KIF16B: variants seen among roughly 807,000 people sequenced by gnomAD.
The protein encoded by KIF16B is kinesin-like protein KIF16B.
In KIF16B, 98 loss-of-function variants were observed where a neutral mutation model predicts 156.3. The observed-to-expected ratio is 0.63, with a 90% CI of 0.53 to 0.74. The LOEUF (loss-of-function observed/expected upper bound fraction) is 0.74, where lower values mean the gene tolerates loss of function less well. Among genes scored for constraint, KIF16B ranks in the 30% least tolerant of loss-of-function variants. KIF16B has a pLI of 0.00. For synonymous variants in KIF16B, 564 were observed against 583.7 expected (o/e 0.97, Z 0.49); for missense variants, 1,421 against 1,606.5 (o/e 0.88, Z 1.97).
intron 5 of KIF16B, 46 bp from the exon 6 acceptor site, chr20:16,511,573 A>G: frequency 7.9e-7 from 1 of 1,264,232 alleles, no homozygotes; most frequent in Non-Finnish European, 1.1e-6. Flanking sequence ...GATTTCAGAC[A>G]TTAATATCAG....
intron 1 of KIF16B, among the ~76,000 whole-genome samples, chr20:16,532,676 A>G (rs1160684663): frequency 1.3e-5 from 2 of 151,832 alleles, no homozygotes; most frequent in Non-Finnish European, 3.0e-5. Flanking sequence ...CTTTTTTCTC[A>G]ATCAATCACT....
chr20:16,334,155 G>A (rs995369239), intron 24 of KIF16B, among the ~76,000 whole-genome samples: 6 of 152,200 alleles, frequency 3.9e-5, no homozygotes, highest in Admixed American at 1.3e-4. Flanking sequence ...GTGTGTGTGT[G>A]TATATAAAGT....
chr20:16,390,360 G>A (rs2065335322), intron 17 of KIF16B, among the ~76,000 whole-genome samples: 1 of 152,134 alleles, frequency 6.6e-6, no homozygotes, highest in African/African-American at 2.4e-5. Context: ...GGTATAACTT[G>A]CTCTGAAAAT....
At chr20:16,485,899 A>T (rs900591984) in intron 12 of KIF16B, among the ~76,000 whole-genome samples, 4 of 152,160 alleles carry the variant, frequency 2.6e-5, no homozygotes, top group African/African-American at 9.7e-5. Flanking sequence ...ACACATATAT[A>T]TACATATATA....
chr20:16,285,072 T>G (rs2063203660), intron 25 of KIF16B, among the ~76,000 whole-genome samples: 1 of 152,218 alleles, frequency 6.6e-6, no homozygotes, highest in Admixed American at 6.5e-5. Flanking sequence ...ACTTAAAATG[T>G]GGCTGGTGAG....
chr20:16,451,553 C>T (rs548679382), intron 12 of KIF16B, among the ~76,000 whole-genome samples: 3 of 151,322 alleles, frequency 2.0e-5, no homozygotes, highest in Non-Finnish European at 2.9e-5. Context: ...AAACCACCAC[C>T]ACCACAACAA....
At chr20:16,393,897 G>C (rs1600278790) in intron 17 of KIF16B, among the ~76,000 whole-genome samples, 1 of 152,224 alleles carries the variant, frequency 6.6e-6, no homozygotes, top group Non-Finnish European at 1.5e-5. Context: ...TCTAGAAGGA[G>C]AGAATAGCAT....
At chr20:16,475,947 A>G (rs115754780) in intron 12 of KIF16B, among the ~76,000 whole-genome samples, 231 of 152,358 alleles carry the variant, frequency 1.5e-3, no homozygotes, top group African/African-American at 5.1e-3. Context: ...CAAACTAGCT[A>G]CAAGAAGACA....
intron 12 of KIF16B, among the ~76,000 whole-genome samples, chr20:16,446,527 G>A (rs2066935969): frequency 6.6e-6 from 1 of 152,130 alleles, no homozygotes; most frequent in Non-Finnish European, 1.5e-5. Context: ...TACATGCCTT[G>A]ATAATGTAGT....
chr20:16,414,913 C>T (rs1428838737), intron 15 of KIF16B, among the ~76,000 whole-genome samples: 1 of 152,104 alleles, frequency 6.6e-6, no homozygotes, highest in East Asian at 1.9e-4. Flanking sequence ...AAATATTCAA[C>T]ACTTGATTAT....
intron 10 of KIF16B, among the ~76,000 whole-genome samples, chr20:16,498,281 G>A (rs2068511509): frequency 6.6e-6 from 1 of 152,116 alleles, no homozygotes; most frequent in Non-Finnish European, 1.5e-5. Context: ...TCAGGCTGGG[G>A]CTTAAACTGC....
rs534933654 is a variant in KIF16B, at chr20:16,564,936, G to A, written c.47+8293C>T. On this transcript the variant is annotated intron_variant, in intron 1 of 25. Transcript: ENST00000354981. ...CTCCTCCCAAGCCTTGAGCCCCCTG[G>A]TCAGGCGTGACATTCTACTCTCCTG... Among the ~76,000 whole-genome samples, 99 of 152,060 alleles carry A rather than the reference G, an allele frequency of 6.5e-4. No individual in the cohort carries two copies. The Middle Eastern group carries it at 0.014, about 21-fold the overall frequency.
At chr20:16,424,636 A>G (rs1209817777) in intron 15 of KIF16B, among the ~76,000 whole-genome samples, 2 of 152,156 alleles carry the variant, frequency 1.3e-5, no homozygotes, top group Non-Finnish European at 2.9e-5. Flanking sequence ...CCCAAAAACT[A>G]TTACGCAGGC....
intron 10 of KIF16B, among the ~76,000 whole-genome samples, chr20:16,499,084 T>C (rs1290974327): frequency 1.3e-5 from 2 of 152,130 alleles, no homozygotes; most frequent in African/African-American, 4.8e-5. Flanking sequence ...CCCGAGCTAT[T>C]GTCTTTGGCC....
At chr20:16,417,697 T>A (rs577806529) in intron 15 of KIF16B, among the ~76,000 whole-genome samples, 1 of 151,870 alleles carries the variant, frequency 6.6e-6, no homozygotes, top group Admixed American at 6.6e-5. Context: ...TAAAGAAGAA[T>A]CCAATATTAC....
chr20:16,451,831 A>ATGTTT (rs2067090674), intron 12 of KIF16B, among the ~76,000 whole-genome samples: 1 of 151,328 alleles, frequency 6.6e-6, no homozygotes, highest in Admixed American at 6.6e-5. Flanking sequence ...TTTTAAAGCT[A>ATGTTT]AGCTCATGTT....
intron 11 of KIF16B, among the ~76,000 whole-genome samples, chr20:16,495,359 T>C (rs1473020333): frequency 6.6e-6 from 1 of 152,198 alleles, no homozygotes; most frequent in African/African-American, 2.4e-5. Context: ...TGATTTTCTA[T>C]ATGCCATTAA....
chr20:16,445,419 C>CGTGTGTGTGTGTGTGTGTGTGTGT (rs11467171), intron 12 of KIF16B, among the ~76,000 whole-genome samples: 27 of 146,866 alleles, frequency 1.8e-4, no homozygotes, highest in African/African-American at 6.6e-4. Context: ...CATGTATATA[C>CGTGTGTGTGTGTGTGTGTGTGTGT]GTGTGTGTGT....
intron 1 of KIF16B, among the ~76,000 whole-genome samples, chr20:16,558,706 C>T (rs1384928293): frequency 6.6e-6 from 1 of 152,152 alleles, no homozygotes; most frequent in Non-Finnish European, 1.5e-5. Flanking sequence ...GAGTTCCAGA[C>T]CAGCCTGGCC....
Sources: allele counts gnomAD v4.1 joint callset (sites outside exome capture counted in the v4.1 genomes callset), GRCh38; gene constraint gnomAD v4.1.1; transcripts MANE v1.5; gene names NCBI Gene and HGNC (gene_info 2026-07-23, HGNC 2026-07-21).